GALNT10: variants seen among roughly 807,000 people sequenced by gnomAD.
The protein encoded by GALNT10 is GalNAc transferase 10.
Under a neutral mutation model 75.0 loss-of-function variants are expected in GALNT10, and 41 were observed. That is an observed-to-expected ratio of 0.55 (90% CI 0.43 to 0.71). The LOEUF (loss-of-function observed/expected upper bound fraction) is 0.71, where lower values mean the gene tolerates loss of function less well. Ranked by LOEUF, GALNT10 falls within the 30% of genes least tolerant of loss-of-function variation. The pLI, the probability that GALNT10 is intolerant of heterozygous loss-of-function variation, is 0.00. For synonymous variants in GALNT10, 302 were observed against 313.0 expected, an observed-to-expected ratio of 0.96 and a Z score of 0.37; for missense variants, 727 against 818.5, an observed-to-expected ratio of 0.89 and a Z score of 1.36.
At chr5:154,333,768 C>A (rs533894122) in intron 4 of GALNT10, among the ~76,000 whole-genome samples, 2 of 152,176 alleles carry the variant, frequency 1.3e-5, no homozygotes, top group Non-Finnish European at 2.9e-5. Context: ...ATCACTGCCC[C>A]CTTTTCTCAA....
At chr5:154,361,657 C>T (rs1755390262) in intron 4 of GALNT10, among the ~76,000 whole-genome samples, 3 of 152,214 alleles carry the variant, frequency 2.0e-5, no homozygotes, top group Admixed American at 2.0e-4. Context: ...TAAGGATTTT[C>T]TGCTAAAAGA....
chr5:154,318,340 G>A (rs1388341267), intron 3 of GALNT10, among the ~76,000 whole-genome samples: 1 of 152,200 alleles, frequency 6.6e-6, no homozygotes, highest in African/African-American at 2.4e-5. Context: ...TAGAAGCCAC[G>A]ATTTCAAACA....
intron 7 of GALNT10, among the ~76,000 whole-genome samples, chr5:154,390,417 G>C (rs1050124610): frequency 2.6e-5 from 4 of 152,188 alleles, no homozygotes; most frequent in Non-Finnish European, 4.4e-5. Context: ...AAACCTTGAT[G>C]TAATTTTTCA....
At chr5:154,217,989 A>C in intron 1 of GALNT10, 1 of 983,852 alleles carries the variant, frequency 1.0e-6, no homozygotes, top group Non-Finnish European at 1.2e-6. Context: ...AAGAAAGGGA[A>C]TCATTCCATG....
At chr5:154,280,487 A>G (rs889478913) in intron 1 of GALNT10, among the ~76,000 whole-genome samples, 10 of 152,230 alleles carry the variant, frequency 6.6e-5, no homozygotes, top group Non-Finnish European at 4.4e-5. Flanking sequence ...ATCATTATAC[A>G]TTATATGCAG....
chr5:154,316,762 T>TG (rs1370798886), intron 3 of GALNT10, among the ~76,000 whole-genome samples: 2 of 152,188 alleles, frequency 1.3e-5, no homozygotes, highest in African/African-American at 2.4e-5. Flanking sequence ...TGCAAGGCAG[T>TG]GAGCAAATGA....
At chr5:154,371,397 G>A (rs1755560907) in intron 4 of GALNT10, among the ~76,000 whole-genome samples, 1 of 152,030 alleles carries the variant, frequency 6.6e-6, no homozygotes, top group African/African-American at 2.4e-5. Context: ...CATGATTCAA[G>A]CCACAACAAC....
intron 1 of GALNT10, among the ~76,000 whole-genome samples, chr5:154,250,941 A>G (rs548180521): frequency 2.0e-5 from 3 of 152,292 alleles, no homozygotes; most frequent in South Asian, 4.1e-4. Context: ...TATCTGGAAT[A>G]TACTCTGTTC....
intron 3 of GALNT10, among the ~76,000 whole-genome samples, chr5:154,323,076 G>C (rs909986426): frequency 6.6e-6 from 1 of 152,206 alleles, no homozygotes; most frequent in African/African-American, 2.4e-5. Context: ...AAAAGCATAG[G>C]GTTCTAGGAG....
At chr5:154,386,141 T>C (rs1755802276) in intron 6 of GALNT10, among the ~76,000 whole-genome samples, 172 bp from the exon 7 acceptor site, 1 of 152,054 alleles carries the variant, frequency 6.6e-6, no homozygotes, top group Admixed American at 6.5e-5. Flanking sequence ...AAGGAAGTTG[T>C]AGGAAAGAAA....
intron 1 of GALNT10, among the ~76,000 whole-genome samples, chr5:154,197,625 A>G (rs116094160): frequency 6.6e-6 from 1 of 152,148 alleles, no homozygotes. Flanking sequence ...CAGATGTTAA[A>G]TTGTCTTCAG....
intron 3 of GALNT10, among the ~76,000 whole-genome samples, chr5:154,301,365 CT>C (rs879328762): frequency 2.6e-5 from 4 of 151,084 alleles, no homozygotes; most frequent in Admixed American, 6.6e-5. Flanking sequence ...TACCACTGAT[CT>C]TTTTTTTTCT....
At chr5:154,310,443 T>G (rs1342322179) in intron 3 of GALNT10, among the ~76,000 whole-genome samples, 18 of 12,706 alleles carry the variant, frequency 1.4e-3, no homozygotes, top group Non-Finnish European at 4.4e-3. Context: ...TTTTTTTTGT[T>G]TTTTTTTTTG....
intron 3 of GALNT10, among the ~76,000 whole-genome samples, chr5:154,310,857 C>T (rs9986119): frequency 1.3e-5 from 2 of 151,956 alleles, no homozygotes; most frequent in Admixed American, 6.5e-5. Context: ...GTTTCTTCCA[C>T]GATAACAGTT....
At chr5:154,286,959 C>G (rs1018965012) in intron 1 of GALNT10, among the ~76,000 whole-genome samples, 3 of 152,186 alleles carry the variant, frequency 2.0e-5, no homozygotes, top group African/African-American at 7.2e-5. Flanking sequence ...TAAGTTTTCT[C>G]AAAACAGCAG....
intron 1 of GALNT10, among the ~76,000 whole-genome samples, chr5:154,205,152 A>C (rs1010446920): frequency 1.3e-5 from 2 of 152,226 alleles, no homozygotes; most frequent in African/African-American, 4.8e-5. Context: ...GGGAAGAGAC[A>C]GACTTCCTTC....
chr5:154,409,981 GCATGAATTTTACCTTT>G lies in GALNT10; in HGVS notation c.1386+223_1386+238del, dbSNP rs1444726510. 6.6e-6 allele frequency among the ~76,000 whole-genome samples: 1 copy of G among 152,110 alleles called. No individual in the cohort carries two copies. Among genetic ancestry groups the G allele is most frequent in the Non-Finnish European group, 1.5e-5 (1 of 68,034 alleles). On this transcript the variant is annotated intron_variant, in intron 9 of 11. Transcript: ENST00000297107. This position sits in a 1 kb window ranked among gnomAD's most constrained non-coding sequence, Gnocchi z 4.5. Reference sequence around the variant, plus strand: ...GAAAAATTAAAACTTTAAGTTATTAGCATGAATTTTACCTTTCATCTTTATATTATGCAGTGACAAT... The same window carrying G: ...GAAAAATTAAAACTTTAAGTTATTAGCATCTTTATATTATGCAGTGACAAT...
At chr5:154,309,052 T>C (rs1754473809) in intron 3 of GALNT10, among the ~76,000 whole-genome samples, 1 of 152,078 alleles carries the variant, frequency 6.6e-6, no homozygotes. Flanking sequence ...GGAAAAAAGA[T>C]TAACAGGATA....
intron 5 of GALNT10, among the ~76,000 whole-genome samples, chr5:154,378,785 G>A (rs1186424703): frequency 1.3e-5 from 2 of 152,194 alleles, no homozygotes; most frequent in Admixed American, 1.3e-4. Context: ...TTAGAACACT[G>A]CCTTCCGAAG....
Sources: gnomAD v4.1 joint callset for allele counts (sites outside exome capture counted in the v4.1 genomes callset) on GRCh38, gnomAD v4.1.1 for gene constraint, Gnocchi (gnomAD v3.1) non-coding constraint, MANE v1.5 for transcripts, NCBI Gene and HGNC (gene_info 2026-07-23, HGNC 2026-07-21) for gene names.